Variants in TAS2R1 observed in about 807,000 individuals in gnomAD.
The protein encoded by TAS2R1 is taste 2 receptor member 1, also known as taste receptor type 2 member 1.
For missense variants in TAS2R1, 370 were observed against 353.4 expected (o/e 1.05, Z -0.38); for synonymous variants, 141 against 134.2 (o/e 1.05, Z -0.35).
At chr5:9,754,481 T>C in the TAS2R1 span, among the ~76,000 whole-genome samples, 2 of 152,342 alleles carry the variant, frequency 1.3e-5, no homozygotes, top group African/African-American at 4.8e-5. Flanking sequence ...GCAGACGACA[T>C]GATTGTATAC....
the TAS2R1 span, among the ~76,000 whole-genome samples, chr5:9,730,409 A>T: frequency 2.6e-5 from 4 of 152,212 alleles, no homozygotes; most frequent in Non-Finnish European, 4.4e-5. Flanking sequence ...CCTTTTGGAA[A>T]TAGATAGAAG....
chr5:9,852,627 G>C, the TAS2R1 span, among the ~76,000 whole-genome samples: 1 of 152,138 alleles, frequency 6.6e-6, no homozygotes, highest in African/African-American at 2.4e-5. Flanking sequence ...ATTATAAATT[G>C]TTTCCTTTCA....
the TAS2R1 span, among the ~76,000 whole-genome samples, chr5:9,861,037 G>GTTTTTTTTTTTTTTTTGTTTTTTTTTTT: frequency 1.1e-5 from 1 of 88,612 alleles, no homozygotes; most frequent in Non-Finnish European, 2.2e-5. Context: ...GGAAGATGAG[G>GTTTTTTTTTTTTTTTTGTTTTTTTTTTT]TTTTTTTTTT....
chr5:9,880,884 T>C, the TAS2R1 span, among the ~76,000 whole-genome samples: 1 of 152,104 alleles, frequency 6.6e-6, no homozygotes, highest in East Asian at 1.9e-4. Flanking sequence ...ATAAAAGTCA[T>C]GTCAGCCATC....
At chr5:9,900,116 T>A in the TAS2R1 span, among the ~76,000 whole-genome samples, 1 of 152,222 alleles carries the variant, frequency 6.6e-6, no homozygotes, top group Non-Finnish European at 1.5e-5. Context: ...CAGAATTGTA[T>A]ACTGGGTACA....
chr5:9,743,027 ACCAACCT>A, the TAS2R1 span, among the ~76,000 whole-genome samples: 1 of 152,084 alleles, frequency 6.6e-6, no homozygotes, highest in East Asian at 1.9e-4. Flanking sequence ...AATCAGGAGC[ACCAACCT>A]GAATTTGCTG....
At chr5:9,647,656 C>T (rs1278863506) in intron 2 of TAS2R1, among the ~76,000 whole-genome samples, 1 of 152,076 alleles carries the variant, frequency 6.6e-6, no homozygotes, top group Non-Finnish European at 1.5e-5. Flanking sequence ...ATAAGGGAAA[C>T]TTTTAGTTAT....
the TAS2R1 span, among the ~76,000 whole-genome samples, chr5:9,753,426 C>T: frequency 9.0e-4 from 137 of 152,150 alleles, no homozygotes; most frequent in Non-Finnish European, 1.3e-3. Flanking sequence ...TTTTTGAGTT[C>T]ATTGTAGATT....
At chr5:9,763,782 G>A in the TAS2R1 span, among the ~76,000 whole-genome samples, 4 of 152,096 alleles carry the variant, frequency 2.6e-5, no homozygotes, top group South Asian at 6.2e-4. Context: ...CCCGGGATGG[G>A]GCCTTAGACT....
At chr5:9,832,535 G>T in the TAS2R1 span, among the ~76,000 whole-genome samples, 3 of 152,158 alleles carry the variant, frequency 2.0e-5, no homozygotes, top group Non-Finnish European at 4.4e-5. Context: ...AGCCCCTGTC[G>T]ATAGGAATCC....
the TAS2R1 span, among the ~76,000 whole-genome samples, chr5:9,813,248 C>T: frequency 2.6e-5 from 4 of 152,214 alleles, no homozygotes; most frequent in African/African-American, 4.8e-5. Context: ...CTTTTCCTCA[C>T]AGCCCTCAGA....
chr5:9,646,844 T>C (rs888038602), intron 2 of TAS2R1, among the ~76,000 whole-genome samples: 1 of 152,114 alleles, frequency 6.6e-6, no homozygotes, highest in Admixed American at 6.6e-5. Context: ...TAGACATAAA[T>C]GTGTGGGTAA....
chr5:9,681,284 T>C (rs887745593), intron 1 of TAS2R1, among the ~76,000 whole-genome samples: 7 of 151,716 alleles, frequency 4.6e-5, no homozygotes, highest in African/African-American at 1.7e-4. Context: ...AAAATGGGTG[T>C]GGGGCATATG....
the TAS2R1 span, among the ~76,000 whole-genome samples, chr5:9,901,588 AG>A: frequency 6.6e-6 from 1 of 152,064 alleles, no homozygotes; most frequent in African/African-American, 2.4e-5. Flanking sequence ...GCTTTGTAAA[AG>A]GAAGTGTACA....
At chr5:9,815,742 C>G in the TAS2R1 span, among the ~76,000 whole-genome samples, 1 of 151,902 alleles carries the variant, frequency 6.6e-6, no homozygotes. Flanking sequence ...CAACATCTCA[C>G]ATGTCCCATA....
At chr5:9,754,827 T>C in the TAS2R1 span, among the ~76,000 whole-genome samples, 1 of 152,148 alleles carries the variant, frequency 6.6e-6, no homozygotes, top group Non-Finnish European at 1.5e-5. Flanking sequence ...CCCAAGGTAA[T>C]TTATAGATTC....
At chr5:9,649,386 T>C (rs959257838) in intron 2 of TAS2R1, among the ~76,000 whole-genome samples, 1 of 152,244 alleles carries the variant, frequency 6.6e-6, no homozygotes, top group Non-Finnish European at 1.5e-5. Flanking sequence ...TAGTAAAAGT[T>C]GGAAGTATTT....
chr5:9,648,180 G>C (rs1740233876), intron 2 of TAS2R1, among the ~76,000 whole-genome samples: 1 of 152,078 alleles, frequency 6.6e-6, no homozygotes. Context: ...CAACATGCAA[G>C]AGAAAAATGT....
At chr5:9,799,941 C>A in the TAS2R1 span, among the ~76,000 whole-genome samples, 1 of 152,194 alleles carries the variant, frequency 6.6e-6, no homozygotes, top group Admixed American at 6.5e-5. Context: ...ATCCCACAAG[C>A]ATTTTTGAAT....
Sources: allele counts gnomAD v4.1 joint callset (sites outside exome capture counted in the v4.1 genomes callset), GRCh38; gene constraint gnomAD v4.1.1; transcripts MANE v1.5; gene names NCBI Gene and HGNC (gene_info 2026-07-23, HGNC 2026-07-21).